PLEKHJ1: variants seen among roughly 807,000 people sequenced by gnomAD.
PLEKHJ1 encodes pleckstrin homology domain-containing family J member 1.
In PLEKHJ1, 20 loss-of-function variants were observed where a neutral mutation model predicts 21.7. The observed-to-expected ratio is 0.92, with a 90% confidence interval of 0.65 to 1.34. The LOEUF (loss-of-function observed/expected upper bound fraction) is 1.34. Ranked by LOEUF, PLEKHJ1 falls within the 40% of genes most tolerant of loss-of-function variation. The probability of loss-of-function intolerance (pLI) is 0.00; values close to 1 mark genes in which losing one functional copy is unlikely to be tolerated. For synonymous variants in PLEKHJ1, 113 were observed against 80.6 expected (o/e 1.40, Z -2.15); for missense variants, 241 against 202.0 (o/e 1.19, Z -1.17).
chr19:2,231,512 C>T (rs990535239), downstream of PLEKHJ1: 1 of 198,154 alleles, frequency 5.0e-6, no homozygotes, highest in Non-Finnish European at 1.0e-5. Context: ...AACAACCTCT[C>T]AGACCCCCAC....
Position 2,235,797 on chromosome 19 carries a change from C to A in PLEKHJ1, c.194G>T (p.Arg65Ile), listed in dbSNP as rs756365886. 5.2e-6 allele frequency: 8 copies of A among 1,550,796 alleles called. No individual in the cohort carries two copies. Among genetic ancestry groups the A allele is most frequent in the Non-Finnish European group, 7.0e-6 (8 of 1,147,504 alleles). Residue 65 changes from arginine (R) to isoleucine (I), a missense_variant, in exon 3 of 6, where the codon AGA becomes ATA. Transcript: ENST00000326631. Reference sequence around the variant, plus strand: ...GGTGCCGGGCTCTTCCCGGACGACTCTGCAGCGCTCCAGCAGCAGGGCTCC... The same window carrying A: ...GGTGCCGGGCTCTTCCCGGACGACTATGCAGCGCTCCAGCAGCAGGGCTCC... ...PVGALLLERC[R>I]VVREEPGTFS...
At chr19:2,235,727 C>A (rs1485372214) in intron 3 of PLEKHJ1, 35 bp downstream of exon 3, 2 of 1,533,382 alleles carry the variant, frequency 1.3e-6, no homozygotes, top group Non-Finnish European at 1.8e-6. Context: ...CCCCGGGCTG[C>A]GGGAAGCGCC....
intron 4 of PLEKHJ1, 38 bp downstream of exon 4, chr19:2,234,112 T>A (rs762512589): frequency 9.3e-6 from 15 of 1,611,264 alleles, no homozygotes; most frequent in Non-Finnish European, 1.2e-5. Flanking sequence ...ATGGCTGCTG[T>A]GCCCACCCCA....
downstream of PLEKHJ1, chr19:2,229,982 T>C (rs2024528537): frequency 1.2e-6 from 1 of 805,884 alleles, no homozygotes; most frequent in Non-Finnish European, 1.9e-6. Context: ...CTGTCGATAG[T>C]TTTAGATAAA....
chr19:2,236,295 T>C lies in PLEKHJ1; in HGVS notation c.-47A>G. ...CCGGGCCGCGCCCTCCCGGCCGCCG[T>C]CCCCGCTCAGGCTGGGGCCGGCGCC... On this transcript the variant is annotated 5_prime_UTR_variant, in exon 1 of 6. Transcript: ENST00000326631. 1 of 1,225,630 alleles carries C rather than the reference T, an allele frequency of 8.2e-7. No homozygotes were observed. The highest frequency in any genetic ancestry group is 2.1e-5 in the South Asian group (1 of 48,044). 75.9% of individuals were successfully genotyped at this position (1,225,630 alleles called of 1,614,324 possible).
chr19:2,235,834 G>A lies in PLEKHJ1; in HGVS notation c.163-6C>T. ...AGCAGCAGGGCTCCGACGGGCTGGA[G>A]GAGACACGGGCGCCGGGACGGGGCA... On this transcript the variant is annotated splice_region_variant and splice_polypyrimidine_tract_variant and intron_variant, in intron 2 of 5. Transcript: ENST00000326631. 2 of 1,560,210 alleles carry A rather than the reference G, an allele frequency of 1.3e-6. No individual in the cohort carries two copies. The highest frequency in any genetic ancestry group is 1.7e-6 in the Non-Finnish European group (2 of 1,152,686).
chr19:2,230,050 T>C (rs561514393), downstream of PLEKHJ1: 3 of 617,256 alleles, frequency 4.9e-6, no homozygotes, highest in East Asian at 2.8e-5. Flanking sequence ...TCCATCTAAG[T>C]GGTAAAAGGC....
downstream of PLEKHJ1, chr19:2,232,542 T>C (rs998129478): frequency 1.1e-4 from 23 of 214,176 alleles, no homozygotes; most frequent in African/African-American, 4.3e-4. Context: ...CATCCCCACC[T>C]CTAGACGCTG....
chr19:2,236,112 C>T lies in PLEKHJ1; in HGVS notation c.94+43G>A, dbSNP rs1372982946. On this transcript the variant is annotated intron_variant, in intron 1 of 5. Coordinates refer to ENST00000326631, the MANE Select transcript of PLEKHJ1 (RefSeq NM_018049.3). ...CCCCCGCCCAGACCCCGGCCCCGGCCTCCCGCCCCTGGCACTGTCTCGGTC... is the reference window on the plus strand; with the variant it reads ...CCCCCGCCCAGACCCCGGCCCCGGCTTCCCGCCCCTGGCACTGTCTCGGTC... 10 of 1,422,554 alleles carry T rather than the reference C, an allele frequency of 7.0e-6. No homozygotes were observed. The East Asian group carries it at 2.7e-4, about 38-fold the overall frequency. The allele number at this position is 1,422,554 out of a possible 1,614,324, so 88.1% of individuals were successfully genotyped here.
chr19:2,234,220 T>A lies in PLEKHJ1; in HGVS notation c.250A>T (p.Arg84Trp). 2 of 1,612,966 alleles carry A rather than the reference T, an allele frequency of 1.2e-6. No individual in the cohort carries two copies. The highest frequency in any genetic ancestry group is 1.1e-5 in the South Asian group (1 of 91,078). The change falls in exon 4 of 6, where the codon AGG becomes TGG. Residue 84 changes from arginine to tryptophan, a missense_variant. By Grantham distance (101) the Arg-to-Trp change is moderately radical (BLOSUM62 -3). Coordinates refer to ENST00000326631, the MANE Select transcript of PLEKHJ1 (RefSeq NM_018049.3). The part of the protein sequence containing the change: ...FSISFIEDPE[R>W]KYHFECSSEE... ...CTGCTGCACTCAAAGTGATACTTCC[T>A]CTCAGGGTCCTCAATGAAGCCTGGG...
downstream of PLEKHJ1, chr19:2,231,593 C>A (rs2024600408): frequency 4.8e-6 from 1 of 207,318 alleles, no homozygotes; most frequent in Non-Finnish European, 9.8e-6. Flanking sequence ...AGTGCCCTCC[C>A]CACCCCACGT....
chr19:2,231,146 AGTG>A (rs1250919521), downstream of PLEKHJ1: 1 of 228,270 alleles, frequency 4.4e-6, no homozygotes, highest in African/African-American at 2.2e-5. Flanking sequence ...TTGTCTGAGC[AGTG>A]GTGGCTCTGT....
downstream of PLEKHJ1, chr19:2,230,250 G>A (rs772443187): frequency 7.2e-6 from 3 of 417,020 alleles, no homozygotes; most frequent in Non-Finnish European, 1.3e-5. Context: ...CGGAAACGCC[G>A]CCCGGCCGGC....
At chr19:2,235,027 T>C (rs2024749207) in intron 3 of PLEKHJ1, 2 of 151,444 alleles carry the variant, frequency 1.3e-5, no homozygotes, top group Admixed American at 1.3e-4. Context: ...AATAATAAAG[T>C]GAAGTAAAAA....
downstream of PLEKHJ1, chr19:2,231,325 C>T (rs1406715735): frequency 1.4e-5 from 3 of 216,086 alleles, no homozygotes; most frequent in Non-Finnish European, 2.8e-5. Flanking sequence ...AGCTGCCAGC[C>T]CTGTGTTCTG....
downstream of PLEKHJ1, chr19:2,230,009 A>T: frequency 2.8e-6 from 2 of 724,174 alleles, no homozygotes; most frequent in Non-Finnish European, 4.4e-6. Context: ...ATCATTTTTT[A>T]AAAAGTATAA....
At chr19:2,230,450 G>A, downstream of PLEKHJ1, 1 of 399,628 alleles carries the variant, frequency 2.5e-6, no homozygotes. Flanking sequence ...GCATGTGAAG[G>A]GGCCTGCGCG....
intron 3 of PLEKHJ1, 57 bp downstream of exon 3, chr19:2,235,705 G>C: frequency 6.7e-7 from 1 of 1,483,900 alleles, no homozygotes; most frequent in South Asian, 1.2e-5. Flanking sequence ...GGAAAGTGCG[G>C]CGCTGCGGGT....
In PLEKHJ1 at chr19:2,234,165, G is replaced by A; in HGVS notation, c.305C>T (p.Ala102Val). ...SEEQCQEWMEALRRASYEFMR... is the reference protein window; with the variant it reads ...SEEQCQEWMEVLRRASYEFMR... ...CTGGCCCCACCTGGCCCGACGCAGAGCCTCCATCCACTCCTGACACTGCTC... is the reference window on the plus strand; with the variant it reads ...CTGGCCCCACCTGGCCCGACGCAGAACCTCCATCCACTCCTGACACTGCTC... Residue 102 changes from alanine (A) to valine (V), a missense_variant, in exon 4 of 6, where the codon GCT (alanine) becomes GTT (valine). Physicochemically the swap from Ala to Val is moderately conservative, Grantham distance 64 (BLOSUM62 0). Coordinates refer to ENST00000326631, the MANE Select transcript of PLEKHJ1 (RefSeq NM_018049.3). 1.2e-6 allele frequency: 2 copies of A among 1,612,524 alleles called. No homozygotes were observed. The highest frequency in any genetic ancestry group is 1.7e-6 in the Non-Finnish European group (2 of 1,179,960).
Sources: allele counts gnomAD v4.1 joint callset, GRCh38; gene constraint gnomAD v4.1.1; transcripts MANE v1.5; gene names NCBI Gene and HGNC (gene_info 2026-07-23, HGNC 2026-07-21).